Variants in CENPQ observed in about 807,000 individuals in gnomAD.
CENPQ encodes the protein chromosome 6 open reading frame 139.
In CENPQ, 27 loss-of-function variants were observed where a neutral mutation model predicts 36.6. The observed-to-expected ratio is 0.74, with a 90% CI of 0.54 to 1.02. The LOEUF (loss-of-function observed/expected upper bound fraction) is 1.02, where lower values mean the gene tolerates loss of function less well. Ranked by LOEUF, CENPQ falls within the 50% of genes least tolerant of loss-of-function variation. CENPQ has a pLI of 0.00. For synonymous variants in CENPQ, 101 were observed against 101.7 expected, an observed-to-expected ratio of 0.99 and a Z score of 0.04; for missense variants, 306 against 301.8, an observed-to-expected ratio of 1.01 and a Z score of -0.10.
chr6:49,479,729 C>A (rs1768384495), intron 5 of CENPQ, among the ~76,000 whole-genome samples: 1 of 151,952 alleles, frequency 6.6e-6, no homozygotes, highest in Admixed American at 6.6e-5. Context: ...ACCTAAAGGC[C>A]TATCAGTGGT....
At chr6:49,480,873 A>G in intron 5 of CENPQ, 78 bp from the exon 6 acceptor site, 1 of 1,035,998 alleles carries the variant, frequency 9.7e-7, no homozygotes, top group Non-Finnish European at 1.3e-6. Flanking sequence ...TATGAGGACA[A>G]GAAAAAATGA....
chr6:49,470,920 C>T (rs1245836004), intron 2 of CENPQ, 54 bp from the exon 3 acceptor site: 2 of 1,027,754 alleles, frequency 1.9e-6, no homozygotes, highest in Admixed American at 5.2e-5. Context: ...AAGCAGGATC[C>T]TTTTATCTGA....
rs949142893 is a variant in CENPQ, at chr6:49,492,273, T to G, written c.805T>G (p.Ter269GluextTer6). ...AGCCTATAAGAAACTGGATGCATCT[T>G]AAAGAGTGTTTTTTTTTTAGATTGT... ...EEAYKKLDAS[*>E] Residue 269 changes from the stop codon to glutamate, a stop_lost, in exon 9 of 9, where the codon TAA (stop) becomes GAA (glutamate). Coordinates refer to ENST00000335783, the MANE Select transcript of CENPQ (RefSeq NM_018132.4). 1 of 1,571,914 alleles carries G rather than the reference T, an allele frequency of 6.4e-7. No individual in the cohort carries two copies. Among genetic ancestry groups the G allele is most frequent in the Admixed American group, 2.0e-5 (1 of 49,158 alleles).
chr6:49,466,520 T>A (rs771376591), intron 1 of CENPQ, among the ~76,000 whole-genome samples: 25 of 152,208 alleles, frequency 1.6e-4, no homozygotes, highest in Non-Finnish European at 2.9e-4. Flanking sequence ...AGTCATTCGC[T>A]CACTTGCCTC....
At chr6:49,471,797 ATAAT>A (rs1272030698) in intron 3 of CENPQ, among the ~76,000 whole-genome samples, 1 of 152,198 alleles carries the variant, frequency 6.6e-6, no homozygotes, top group East Asian at 1.9e-4. Flanking sequence ...GAAACTTTTC[ATAAT>A]TAAAGTTTGA....
chr6:49,482,999 A>AG (rs1409528580), intron 6 of CENPQ, among the ~76,000 whole-genome samples: 2 of 152,132 alleles, frequency 1.3e-5, no homozygotes, highest in African/African-American at 2.4e-5. Flanking sequence ...ATAGTGTGGA[A>AG]GGGGACCCAA....
At chr6:49,467,798 G>C (rs1039735943) in intron 1 of CENPQ, among the ~76,000 whole-genome samples, 13 of 152,150 alleles carry the variant, frequency 8.5e-5, no homozygotes, top group African/African-American at 2.9e-4. Flanking sequence ...GAGAAATGAA[G>C]TAGAATAGTT....
intron 5 of CENPQ, among the ~76,000 whole-genome samples, chr6:49,475,346 A>G (rs1476275614): frequency 6.6e-6 from 1 of 152,244 alleles, no homozygotes; most frequent in Non-Finnish European, 1.5e-5. Context: ...CACTAGATGC[A>G]GAAAAGGCCT....
At chr6:49,472,548 G>A (rs1017464782) in intron 4 of CENPQ, among the ~76,000 whole-genome samples, 2 of 152,144 alleles carry the variant, frequency 1.3e-5, no homozygotes, top group African/African-American at 4.8e-5. Context: ...CCATTGTGGA[G>A]CAAATTCTAT....
chr6:49,472,559 C>T lies in CENPQ; in HGVS notation c.279-231C>T, dbSNP rs550441807. Among the ~76,000 whole-genome samples the T allele has an allele frequency of 3.8e-4, 58 of 152,210 alleles. 4 individuals carry two copies. The South Asian group carries it at 0.012, about 32-fold the overall frequency. ...TCTGCCATTGTGGAGCAAATTCTATCAGAAGAGCCAGGCATGTAACTTATT... is the reference window on the plus strand; with the variant it reads ...TCTGCCATTGTGGAGCAAATTCTATTAGAAGAGCCAGGCATGTAACTTATT... On this transcript the variant is annotated intron_variant, in intron 4 of 8. Transcript: ENST00000335783.
At chr6:49,465,163 C>T (rs933125513) in intron 1 of CENPQ, among the ~76,000 whole-genome samples, 1 of 152,194 alleles carries the variant, frequency 6.6e-6, no homozygotes, top group Non-Finnish European at 1.5e-5. Flanking sequence ...TCTATCAGAG[C>T]TCTTGGGTGA....
At chr6:49,472,957 C>CTTT in intron 5 of CENPQ, 99 bp downstream of exon 5, 1 of 886,828 alleles carries the variant, frequency 1.1e-6, no homozygotes, top group Non-Finnish European at 1.5e-6. Context: ...GTAAGTTTTT[C>CTTT]TTTTTTTTTA....
chr6:49,474,074 C>G (rs1420104262), intron 5 of CENPQ, among the ~76,000 whole-genome samples: 2 of 152,128 alleles, frequency 1.3e-5, no homozygotes, highest in African/African-American at 4.8e-5. Flanking sequence ...TAATGGGAGA[C>G]TTTAACACCC....
chr6:49,480,010 C>T (rs1373939799), intron 5 of CENPQ, among the ~76,000 whole-genome samples: 1 of 152,166 alleles, frequency 6.6e-6, no homozygotes, highest in East Asian at 1.9e-4. Flanking sequence ...AGGTACTATG[C>T]TTATTACCTG....
At chr6:49,482,691 G>T (rs907044466) in intron 6 of CENPQ, among the ~76,000 whole-genome samples, 3 of 152,122 alleles carry the variant, frequency 2.0e-5, no homozygotes, top group Non-Finnish European at 4.4e-5. Context: ...CTCGGCGATT[G>T]TCTCACCGCT....
chr6:49,477,840 G>A (rs915888516), intron 5 of CENPQ, among the ~76,000 whole-genome samples: 1 of 152,094 alleles, frequency 6.6e-6, no homozygotes, highest in African/African-American at 2.4e-5. Flanking sequence ...GAAGGAAGAA[G>A]ATATTAAAAA....
intron 6 of CENPQ, among the ~76,000 whole-genome samples, chr6:49,483,777 C>A (rs536016717): frequency 6.6e-6 from 1 of 152,244 alleles, no homozygotes; most frequent in African/African-American, 2.4e-5. Context: ...GGCGCAGCCC[C>A]GGTTCCCGCT....
chr6:49,491,583 C>T (rs538734274), intron 8 of CENPQ, among the ~76,000 whole-genome samples: 34 of 152,224 alleles, frequency 2.2e-4, no homozygotes, highest in African/African-American at 6.5e-4. Context: ...ATGTTTGTAG[C>T]ATTGGAAAGT....
chr6:49,485,382 A>AT, intron 6 of CENPQ, among the ~76,000 whole-genome samples: 1 of 152,210 alleles, frequency 6.6e-6, no homozygotes. Flanking sequence ...CTGAAGCATA[A>AT]TTTTTTAGAC....
Sources: allele counts gnomAD v4.1 joint callset (sites outside exome capture counted in the v4.1 genomes callset), GRCh38; gene constraint gnomAD v4.1.1; transcripts MANE v1.5; gene names NCBI Gene and HGNC (gene_info 2026-07-23, HGNC 2026-07-21).